Variants in NCAPH2 observed in about 807,000 individuals in gnomAD.
NCAPH2 encodes the protein condensin-2 complex subunit H2.
Under a neutral mutation model 88.6 loss-of-function variants are expected in NCAPH2, and 56 were observed. The observed-to-expected ratio is 0.63, with a 90% CI of 0.51 to 0.79. The LOEUF (loss-of-function observed/expected upper bound fraction) is 0.79, where lower values mean the gene tolerates loss of function less well. Among genes scored for constraint, NCAPH2 ranks in the 30% least tolerant of loss-of-function variants. The probability of loss-of-function intolerance (pLI) is 0.00; values close to 1 mark genes in which losing one functional copy is unlikely to be tolerated. For missense variants in NCAPH2, 794 were observed against 792.0 expected (o/e 1.00, Z -0.03); for synonymous variants, 378 against 313.6 (o/e 1.21, Z -2.17).
intron 5 of NCAPH2, 45 bp downstream of exon 5, chr22:50,517,854 C>T (rs774683428): frequency 2.5e-6 from 4 of 1,608,874 alleles, no homozygotes; most frequent in Non-Finnish European, 3.4e-6. Context: ...GAGGTCAGCA[C>T]TTTCCCTGGG....
rs139748626 is a variant in NCAPH2, at chr22:50,510,978, C to T, written c.108+2533C>T. The stretch of plus-strand genomic sequence containing the variant: ...TTTCCTGCCTCAGCTTCCCGAGTAG[C>T]TGGGACTACAGGCACCTGCCACCAC... On this transcript the variant is annotated intron_variant, in intron 1 of 19. Transcript: ENST00000420993. Among the ~76,000 whole-genome samples the T allele has an allele frequency of 7.2e-3, 1,086 of 150,210 alleles. 4 individuals are homozygous for T. Among genetic ancestry groups the T allele is most frequent in the Non-Finnish European group, 0.012 (787 of 67,778 alleles).
intron 19 of NCAPH2, 29 bp downstream of exon 19, chr22:50,523,195 G>A: frequency 6.2e-7 from 1 of 1,613,726 alleles, no homozygotes; most frequent in Non-Finnish European, 8.5e-7. Flanking sequence ...GTGGGAGGGG[G>A]AGACGGTCCC....
At chr22:50,515,404 A>AT (rs1009978550) in intron 1 of NCAPH2, among the ~76,000 whole-genome samples, 20 of 147,748 alleles carry the variant, frequency 1.4e-4, no homozygotes, top group African/African-American at 2.5e-4. Flanking sequence ...CTACAAAAAC[A>AT]TTTTTTTTTT....
rs1226704852 is a variant in NCAPH2, at chr22:50,517,963, C to T, written c.421-10C>T. ...GGTGCCTGGCTCACCCACCCTTGGC[C>T]TCCATGCAGGAGGTCCTCATCATCC... On this transcript the variant is annotated splice_polypyrimidine_tract_variant and intron_variant, in intron 5 of 19. Transcript: ENST00000420993. The T allele has an allele frequency of 1.9e-6, 3 of 1,612,426 alleles. No individual in the cohort carries two copies. Among genetic ancestry groups the T allele is most frequent in the African/African-American group, 1.3e-5 (1 of 74,898 alleles).
At chr22:50,520,767 T>C in intron 9 of NCAPH2, 198 bp from the exon 10 acceptor site, 1 of 559,900 alleles carries the variant, frequency 1.8e-6, no homozygotes, top group Non-Finnish European at 3.1e-6. Context: ...TTCACCATGT[T>C]GGCCAGGCTG....
intron 1 of NCAPH2, among the ~76,000 whole-genome samples, chr22:50,510,460 C>G (rs773130844): frequency 1.8e-4 from 28 of 152,156 alleles, no homozygotes; most frequent in Middle Eastern, 3.4e-3. Flanking sequence ...TGGAGTCTTG[C>G]TCTGTTGCCC....
At chr22:50,516,301 G>C in intron 1 of NCAPH2, 146 bp from the exon 2 acceptor site, 1 of 668,526 alleles carries the variant, frequency 1.5e-6, no homozygotes, top group South Asian at 1.8e-5. Flanking sequence ...CGAAATACCA[G>C]GGACAACCGG....
chr22:50,521,176 C>T, intron 10 of NCAPH2, 140 bp downstream of exon 10: 2 of 938,142 alleles, frequency 2.1e-6, no homozygotes, highest in Non-Finnish European at 3.2e-6. Context: ...TCTTAAAGAC[C>T]CCCTCATGCG....
intron 1 of NCAPH2, 32 bp from the exon 2 acceptor site, chr22:50,516,415 G>T: frequency 6.2e-7 from 1 of 1,606,908 alleles, no homozygotes; most frequent in Non-Finnish European, 8.5e-7. Context: ...CTGGGCCTTG[G>T]ATTCCCCCTG....
At chr22:50,516,301 G>A (rs896285527) in intron 1 of NCAPH2, 146 bp from the exon 2 acceptor site, 3 of 668,408 alleles carry the variant, frequency 4.5e-6, no homozygotes, top group Non-Finnish European at 7.7e-6. Context: ...CGAAATACCA[G>A]GGACAACCGG....
Position 50,524,334 on chromosome 22 carries a change from CAGGGT to C in NCAPH2, c.*960_*964del. On this transcript the variant is annotated 3_prime_UTR_variant, in exon 20 of 20. Transcript: ENST00000420993. ...ACCTCAGATGCAGGGCCTGGCCTCCCAGGGTCCCAGGGAGGACCCGAGGCTTGAGC... is the reference window on the plus strand; with the variant it reads ...ACCTCAGATGCAGGGCCTGGCCTCCCCCCAGGGAGGACCCGAGGCTTGAGC... 1 of 1,601,772 alleles carries C rather than the reference CAGGGT, an allele frequency of 6.2e-7. No homozygotes were observed. The highest frequency in any genetic ancestry group is 8.5e-7 in the Non-Finnish European group (1 of 1,179,918).
chr22:50,522,644 G>C (rs2069142538), intron 16 of NCAPH2, 27 bp from the exon 17 acceptor site: 1 of 1,613,536 alleles, frequency 6.2e-7, no homozygotes, highest in South Asian at 1.1e-5. Context: ...CCCCTTAGCT[G>C]CCCAGCTCAC....
chr22:50,521,002 G>A lies in NCAPH2; in HGVS notation c.899G>A (p.Arg300Gln), dbSNP rs755529567. ...ALPRRYMLRE[R>Q]EGAPEPASCV... The stretch of plus-strand genomic sequence containing the variant: ...CCCAGGAGGTACATGCTGCGGGAGC[G>A]GGAGGGGGCCCCAGAGCCTGCATCC... The change falls in exon 10 of 20, where the codon CGG becomes CAG. Residue 300 changes from arginine to glutamine, a missense_variant. Physicochemically the swap from Arg to Gln is conservative, Grantham distance 43. Coordinates refer to ENST00000420993, the MANE Select transcript of NCAPH2 (RefSeq NM_152299.4). 5.2e-5 allele frequency: 80 copies of A among 1,550,868 alleles called. 1 individual carries two copies. The South Asian group carries it at 8.6e-4, about 17-fold the overall frequency.
chr22:50,522,680 C>G lies in NCAPH2; in HGVS notation c.1385C>G (p.Pro462Arg). The change falls in exon 17 of 20, where the codon CCG becomes CGG. Residue 462 changes from proline to arginine, a missense_variant. Coordinates refer to ENST00000420993, the MANE Select transcript of NCAPH2 (RefSeq NM_152299.4). ...AGCTACCCCTTCCCAGACGCAGTGC[C>G]GATGTCCCTGAGCTACGAGGAGCTG... ...PREAADLDAV[P>R]MSLSYEELVR... is the part of the protein sequence containing the mutation. 6.2e-7 allele frequency: 1 copy of G among 1,613,580 alleles called. No individual in the cohort carries two copies.
chr22:50,515,766 A>C, intron 1 of NCAPH2: 1 of 1,300,238 alleles, frequency 7.7e-7, no homozygotes, highest in Non-Finnish European at 1.0e-6. Flanking sequence ...GCGTTGGGGA[A>C]GATGTTGGGT....
Position 50,521,022 on chromosome 22 carries a change from G to A in NCAPH2, c.919G>A (p.Ala307Thr). 2.6e-6 allele frequency: 4 copies of A among 1,550,606 alleles called. No individual in the cohort carries two copies. The highest frequency in any genetic ancestry group is 2.0e-5 in the Admixed American group (1 of 51,000). The stretch of plus-strand genomic sequence containing the variant: ...GGAGCGGGAGGGGGCCCCAGAGCCT[G>A]CATCCTGCGTGAAGGTAGGAGTGTT... Reference protein sequence around the residue: ...LREREGAPEPASCVKETPDPW... With the variant: ...LREREGAPEPTSCVKETPDPW... The change falls in exon 10 of 20, where the codon GCA becomes ACA. Residue 307 changes from alanine to threonine, a missense_variant. By Grantham distance (58) the Ala-to-Thr change is moderately conservative. This residue lies in a region of NCAPH2 where 735 missense variants were observed against 696.3 expected (regional missense o/e 1.06). Coordinates refer to ENST00000420993, the MANE Select transcript of NCAPH2 (RefSeq NM_152299.4).
At position 50,522,434 on chromosome 22, in the gene NCAPH2, G is replaced by C. The variant is rs747074813; in HGVS notation, c.1306+19G>C. ...GCAGCAGGTGGGTGCCTGCCAGGGG[G>C]TGGGGTGGGGCTTGGCACCTGCCGA... On this transcript the variant is annotated intron_variant, in intron 15 of 19. Transcript: ENST00000420993. 32 of 1,612,228 alleles carry C rather than the reference G, an allele frequency of 2.0e-5. No individual in the cohort carries two copies. In the Admixed American group the frequency reaches 5.2e-4, roughly 26 times the overall value.
rs1426095369 is a variant in NCAPH2, at chr22:50,524,275, GTC to G, written c.*904_*905del. On this transcript the variant is annotated 3_prime_UTR_variant, in exon 20 of 20. Transcript: ENST00000420993. ...GCCCTGGGGCTGGCCCTGCCCACCT[GTC>G]TCTGCAGGGCCCTGCCTTGACAAAA... The G allele has an allele frequency of 2.5e-6, 4 of 1,603,962 alleles. No homozygotes were observed. Among genetic ancestry groups the G allele is most frequent in the East Asian group, 2.2e-5 (1 of 44,860 alleles).
rs773641252 is a variant in NCAPH2 at position 50,524,266 on chromosome 22, T to G, written c.*891T>G. On this transcript the variant is annotated 3_prime_UTR_variant, in exon 20 of 20. Coordinates refer to ENST00000420993, the MANE Select transcript of NCAPH2 (RefSeq NM_152299.4). The stretch of plus-strand genomic sequence containing the variant: ...AAGCCCAGGGCCCTGGGGCTGGCCC[T>G]GCCCACCTGTCTCTGCAGGGCCCTG... 1.4e-5 allele frequency: 22 copies of G among 1,604,434 alleles called. No homozygotes were observed. Among genetic ancestry groups the G allele is most frequent in the Non-Finnish European group, 1.9e-5 (22 of 1,179,764 alleles).
Sources: allele counts gnomAD v4.1 joint callset (sites outside exome capture counted in the v4.1 genomes callset), GRCh38; gene constraint gnomAD v4.1.1; regional missense constraint gnomAD v4.1.1; transcripts MANE v1.5; gene names NCBI Gene and HGNC (gene_info 2026-07-23, HGNC 2026-07-21).